Variants in IL1RAPL2 observed in about 807,000 individuals in gnomAD.
The protein encoded by IL1RAPL2 is X-linked interleukin-1 receptor accessory protein-like 2.
IL1RAPL2 carries 3 observed loss-of-function variants against 44.1 expected under a neutral mutation model. That is an observed-to-expected ratio of 0.07 (90% CI 0.03 to 0.18). IL1RAPL2 has a LOEUF of 0.18. Among genes scored for constraint, IL1RAPL2 ranks in the 10% least tolerant of loss-of-function variants. The probability of loss-of-function intolerance (pLI) is 1.00; values close to 1 mark genes in which losing one functional copy is unlikely to be tolerated. For missense variants in IL1RAPL2, 391 were observed against 496.4 expected, an observed-to-expected ratio of 0.79 and a Z score of 2.02; for synonymous variants, 181 against 178.8, an observed-to-expected ratio of 1.01 and a Z score of -0.10.
chrX:105,021,152 A>G (rs1285022198), intron 2 of IL1RAPL2, among the ~76,000 whole-genome samples: 1 of 111,534 alleles, frequency 9.0e-6, no homozygotes, highest in African/African-American at 3.3e-5. Flanking sequence ...TACTTAAGTG[A>G]AAGTTCTGGT....
intron 2 of IL1RAPL2, among the ~76,000 whole-genome samples, chrX:104,859,161 G>T (rs1922436088): frequency 9.0e-6 from 1 of 111,224 alleles, no homozygotes. Flanking sequence ...CAACCCTAAA[G>T]AGTTCATTGT....
intron 1 of IL1RAPL2, among the ~76,000 whole-genome samples, chrX:104,612,222 G>A (rs757776089): frequency 1.0e-3 from 113 of 111,915 alleles, no homozygotes; most frequent in African/African-American, 3.5e-3. Flanking sequence ...TGTTTTTGTC[G>A]AAATTGCTTT....
chrX:105,332,208 A>T (rs2034992460), intron 5 of IL1RAPL2, among the ~76,000 whole-genome samples: 2 of 110,405 alleles, frequency 1.8e-5, no homozygotes, highest in African/African-American at 6.6e-5. Flanking sequence ...AATAATACAG[A>T]TGCTCATAAA....
intron 6 of IL1RAPL2, among the ~76,000 whole-genome samples, chrX:105,510,960 T>TA (rs2036465556): frequency 8.9e-6 from 1 of 111,813 alleles, no homozygotes; most frequent in South Asian, 3.7e-4. Context: ...GACTTCATCT[T>TA]ATGAGTAGGA....
chrX:105,229,656 G>A (rs1273367051), intron 3 of IL1RAPL2, among the ~76,000 whole-genome samples: 1 of 111,890 alleles, frequency 8.9e-6, no homozygotes, highest in Non-Finnish European at 1.9e-5. Flanking sequence ...CACCATCTAC[G>A]TTGTTTATAC....
chrX:104,852,002 C>T (rs926480558), intron 2 of IL1RAPL2, among the ~76,000 whole-genome samples: 7 of 111,431 alleles, frequency 6.3e-5, no homozygotes, highest in Admixed American at 4.8e-4. Flanking sequence ...CCACTAGGCC[C>T]CACTTTCCAA....
chrX:104,809,497 A>G (rs1387825974), intron 2 of IL1RAPL2, among the ~76,000 whole-genome samples: 2 of 110,260 alleles, frequency 1.8e-5, no homozygotes, highest in African/African-American at 3.3e-5. Context: ...GCATTTTTTC[A>G]TGTGTTTTTT....
At chrX:105,334,703 G>A (rs997109581) in intron 5 of IL1RAPL2, among the ~76,000 whole-genome samples, 2 of 110,691 alleles carry the variant, frequency 1.8e-5, no homozygotes, top group African/African-American at 3.3e-5. Flanking sequence ...CTGTTTTTGG[G>A]AGAAATCTCT....
chrX:104,707,926 C>T (rs913375450), intron 2 of IL1RAPL2, among the ~76,000 whole-genome samples: 1 of 111,533 alleles, frequency 9.0e-6, no homozygotes, highest in Non-Finnish European at 1.9e-5. Context: ...TATTGTTTTG[C>T]TTCTTTATAA....
At chrX:104,844,265 C>T (rs193037306) in intron 2 of IL1RAPL2, among the ~76,000 whole-genome samples, 1 of 111,261 alleles carries the variant, frequency 9.0e-6, no homozygotes, top group East Asian at 2.8e-4. Flanking sequence ...GATCAATGTT[C>T]GTAGTACCAA....
chrX:105,278,137 G>A (rs2034500660), intron 5 of IL1RAPL2, among the ~76,000 whole-genome samples: 2 of 111,912 alleles, frequency 1.8e-5, no homozygotes, highest in Admixed American at 9.5e-5. Context: ...GGGGCTGTGA[G>A]AGCATTCATT....
At chrX:104,804,667 CTT>C (rs1233885440) in intron 2 of IL1RAPL2, among the ~76,000 whole-genome samples, 1 of 112,128 alleles carries the variant, frequency 8.9e-6, no homozygotes, top group African/African-American at 3.2e-5. Context: ...AGTGAACAAA[CTT>C]TATTTCACAG....
At chrX:105,717,781 G>A (rs758610199) in intron 7 of IL1RAPL2, among the ~76,000 whole-genome samples, 1 of 112,084 alleles carries the variant, frequency 8.9e-6, no homozygotes, top group African/African-American at 3.2e-5. Context: ...CACAGCAAAG[G>A]TCCAGTCTTT....
At chrX:105,483,888 G>A (rs1445456780) in intron 5 of IL1RAPL2, among the ~76,000 whole-genome samples, 1 of 111,147 alleles carries the variant, frequency 9.0e-6, no homozygotes, top group South Asian at 3.8e-4. Flanking sequence ...GGAGAGTGGG[G>A]GATAATTCAG....
intron 2 of IL1RAPL2, 73 bp downstream of exon 2, chrX:104,659,068 C>A: frequency 1.5e-6 from 1 of 671,427 alleles, no homozygotes; most frequent in Non-Finnish European, 2.4e-6. Flanking sequence ...GGCACCTGTG[C>A]CTTTAACTAT....
chrX:105,695,617 A>G (rs1422093693), intron 6 of IL1RAPL2, among the ~76,000 whole-genome samples: 1 of 111,597 alleles, frequency 9.0e-6, no homozygotes, highest in Non-Finnish European at 1.9e-5. Flanking sequence ...CTCAAGTTAC[A>G]AAAAAGTAGC....
At chrX:104,986,978 T>C (rs1394482901) in intron 2 of IL1RAPL2, among the ~76,000 whole-genome samples, 1 of 112,460 alleles carries the variant, frequency 8.9e-6, no homozygotes, top group Non-Finnish European at 1.9e-5. Flanking sequence ...GAAATGCACA[T>C]GCAGTGTCTG....
intron 5 of IL1RAPL2, among the ~76,000 whole-genome samples, chrX:105,289,808 A>T (rs1025995935): frequency 1.8e-5 from 2 of 111,589 alleles, no homozygotes; most frequent in African/African-American, 6.5e-5. Context: ...AGCGAACAGC[A>T]TGTAAGTTGT....
At chrX:105,206,470 C>G (rs1465280350) in intron 3 of IL1RAPL2, among the ~76,000 whole-genome samples, 1 of 111,774 alleles carries the variant, frequency 8.9e-6, no homozygotes, top group Non-Finnish European at 1.9e-5. Context: ...TCTCTACTGT[C>G]TTCTCAATTA....
Sources: allele counts gnomAD v4.1 joint callset (sites outside exome capture counted in the v4.1 genomes callset), GRCh38; gene constraint gnomAD v4.1.1; transcripts MANE v1.5; gene names NCBI Gene and HGNC (gene_info 2026-07-23, HGNC 2026-07-21).